Variants in ABCA5 observed in about 807,000 individuals in gnomAD.
ABCA5 encodes the protein cholesterol transporter ABCA5.
Under a neutral mutation model 206.0 loss-of-function variants are expected in ABCA5, and 163 were observed. That is an observed-to-expected ratio of 0.79 (90% CI 0.70 to 0.90). The LOEUF (loss-of-function observed/expected upper bound fraction) is 0.90. ABCA5 is among the 40% of genes least tolerant of loss of function. The pLI is 0.00. For missense variants in ABCA5, 1,859 were observed against 1,912.9 expected, an observed-to-expected ratio of 0.97 and a Z score of 0.53; for synonymous variants, 609 against 613.8, an observed-to-expected ratio of 0.99 and a Z score of 0.11.
chr17:69,318,023 T>C (rs917949716), intron 1 of ABCA5, among the ~76,000 whole-genome samples: 2 of 152,148 alleles, frequency 1.3e-5, no homozygotes, highest in Non-Finnish European at 2.9e-5. Context: ...TAAACCTATC[T>C]AGTGAGGCCA....
intron 34 of ABCA5, 114 bp downstream of exon 34, chr17:69,253,459 G>A (rs888749823): frequency 2.0e-5 from 12 of 604,874 alleles, no homozygotes; most frequent in East Asian, 1.5e-4. Context: ...CTAGTGTATC[G>A]TTTGAATAGG....
At position 69,264,774 on chromosome 17, in the gene ABCA5, A is replaced by G; in HGVS notation, c.3276T>C (p.His1092=). The change falls in exon 24 of 39, where the codon CAT becomes CAC. Residue 1092 remains histidine, a synonymous_variant. Transcript: ENST00000392676. Reference sequence around the variant, plus strand: ...TTACAGTATAAAAATATAATCCATAATGAAATGCCAATAAGCTTCCTAGCA... The same window carrying G: ...TTACAGTATAAAAATATAATCCATAGTGAAATGCCAATAAGCTTCCTAGCA... ...ILMLGSLLAF[H]YGLYFYTVKF... The G allele has an allele frequency of 1.3e-6, 2 of 1,589,842 alleles. No homozygotes were observed. The highest frequency in any genetic ancestry group is 8.5e-7 in the Non-Finnish European group (1 of 1,169,640).
intron 2 of ABCA5, 24 bp from the exon 3 acceptor site, chr17:69,313,320 T>A: frequency 8.7e-7 from 1 of 1,143,014 alleles, no homozygotes; most frequent in Non-Finnish European, 1.2e-6. Context: ...AACAAAGTAA[T>A]TACAAAGTAT....
In ABCA5 at chr17:69,273,580, C is replaced by T. The variant is rs750580511; in HGVS notation, c.2764+379G>A. On this transcript the variant is annotated intron_variant, in intron 20 of 38. Transcript: ENST00000392676. ...AAGCGATTCTCCTGCCTCAGCCTCC[C>T]GAGTACCTGAGACTACAGGCGCGTG... 7.3e-5 allele frequency among the ~76,000 whole-genome samples: 11 copies of T among 151,498 alleles called. 1 individual carries two copies. The highest frequency in any genetic ancestry group is 2.6e-4 in the Admixed American group (4 of 15,168).
chr17:69,303,002 T>G (rs530999507), intron 7 of ABCA5, 96 bp from the exon 8 acceptor site: 1 of 586,496 alleles, frequency 1.7e-6, no homozygotes, highest in Non-Finnish European at 2.7e-6. Flanking sequence ...GCTATTTTCA[T>G]GAAAAATGCA....
At chr17:69,284,788 T>C (rs1256268776) in intron 17 of ABCA5, among the ~76,000 whole-genome samples, 1 of 152,188 alleles carries the variant, frequency 6.6e-6, no homozygotes, top group Non-Finnish European at 1.5e-5. Flanking sequence ...TGTATAATCA[T>C]GAGAAGCTGA....
In ABCA5 at chr17:69,250,471, C is replaced by T. The variant is rs759386463; in HGVS notation, c.4685+1G>A. 3.7e-6 allele frequency: 6 copies of T among 1,603,314 alleles called. No individual in the cohort carries two copies. On this transcript the variant is annotated splice_donor_variant, in intron 36 of 38. Coordinates refer to ENST00000392676, the MANE Select transcript of ABCA5 (RefSeq NM_172232.4). LOFTEE classifies it high-confidence loss of function. Reference sequence around the variant, plus strand: ...TATAACCACATTCTTTAAAATTTTACCTTTCCTGACGGCTTGCATTTGGGA... The same window carrying T: ...TATAACCACATTCTTTAAAATTTTATCTTTCCTGACGGCTTGCATTTGGGA...
At position 69,256,264 on chromosome 17, in the gene ABCA5, T is replaced by C. The variant is rs776418291; in HGVS notation, c.3751A>G (p.Lys1251Glu). 6 of 1,600,884 alleles carry C rather than the reference T, an allele frequency of 3.7e-6. No individual in the cohort carries two copies. In the Admixed American group the frequency reaches 8.5e-5, roughly 23 times the overall value. Residue 1251 changes from lysine to glutamate, a missense_variant, in exon 29 of 39, where the codon AAA (lysine) becomes GAA (glutamate). Transcript: ENST00000392676. Reference protein sequence around the residue: ...PFFRNLSTKSKNRKLPEPPDN... With the variant: ...PFFRNLSTKSENRKLPEPPDN... ...GGTGGTTCTGGAAGCTTCCTATTTTTAGACTTCGTTGAAAGGTTTCTACAT... is the reference window on the plus strand; with the variant it reads ...GGTGGTTCTGGAAGCTTCCTATTTTCAGACTTCGTTGAAAGGTTTCTACAT...
chr17:69,261,076 C>T, intron 26 of ABCA5, 49 bp downstream of exon 26: 2 of 1,440,862 alleles, frequency 1.4e-6, no homozygotes, highest in Non-Finnish European at 1.9e-6. Flanking sequence ...CAAATTAGAC[C>T]ATATTTATTT....
chr17:69,306,949 C>T lies in ABCA5; in HGVS notation c.564G>A (p.Lys188=), dbSNP rs1178548197. ...ASIDAAIIQL[K]TNVSLWKELE... ...GCTCCTTCCAAAGAGAAACATTGGT[C>T]TTCAACTATAATTAGAAAATGTAAA... The change falls in exon 6 of 39, where the codon AAG becomes AAA. Residue 188 remains lysine, a synonymous_variant. Coordinates refer to ENST00000392676, the MANE Select transcript of ABCA5 (RefSeq NM_172232.4). The T allele has an allele frequency of 6.5e-7, 1 of 1,529,874 alleles. No individual in the cohort carries two copies. Among genetic ancestry groups the T allele is most frequent in the African/African-American group, 1.4e-5 (1 of 70,796 alleles). The allele number at this position is 1,529,874 out of a possible 1,614,324, so 94.8% of individuals were successfully genotyped here.
At chr17:69,314,549 A>T in intron 1 of ABCA5, 119 bp from the exon 2 acceptor site, 2 of 607,116 alleles carry the variant, frequency 3.3e-6, no homozygotes, top group Admixed American at 3.0e-5. Flanking sequence ...AGCATACTCC[A>T]AGCTGTCTCT....
At chr17:69,291,941 C>T (rs770776083) in intron 11 of ABCA5, among the ~76,000 whole-genome samples, 1 of 151,732 alleles carries the variant, frequency 6.6e-6, no homozygotes, top group South Asian at 2.1e-4. Flanking sequence ...GGCGAAATCC[C>T]GTCTCTACAA....
At position 69,313,244 on chromosome 17, in the gene ABCA5, A is replaced by C; in HGVS notation, c.155T>G (p.Met52Arg). Residue 52 changes from methionine (M) to arginine (R), a missense_variant, in exon 3 of 39, where the codon ATG becomes AGG. Transcript: ENST00000392676. ...TTCTTCATATTTCTTATTTGGATGC[A>C]TCATGCTAATTAATATTAACCAAAA... ...FLFWLILISM[M>R]HPNKKYEEVP... 6.6e-7 allele frequency: 1 copy of C among 1,510,054 alleles called. No homozygotes were observed. Among genetic ancestry groups the C allele is most frequent in the South Asian group, 1.1e-5 (1 of 87,334 alleles). 93.5% of individuals were successfully genotyped at this position (1,510,054 alleles called of 1,614,324 possible).
intron 1 of ABCA5, chr17:69,315,220 G>C (rs759161699): frequency 2.6e-5 from 4 of 152,178 alleles, no homozygotes; most frequent in Non-Finnish European, 5.9e-5. Context: ...TGTGACAAAG[G>C]CTTGAGAAAC....
chr17:69,262,063 C>T (rs2075154662), intron 24 of ABCA5, among the ~76,000 whole-genome samples: 1 of 151,998 alleles, frequency 6.6e-6, no homozygotes, highest in Admixed American at 6.6e-5. Flanking sequence ...TCATTATGAT[C>T]TCTGACAAAA....
intron 37 of ABCA5, chr17:69,248,585 T>C: frequency 2.4e-5 from 6 of 249,656 alleles, no homozygotes; most frequent in Non-Finnish European, 3.9e-5. Flanking sequence ...CTGGTGATTC[T>C]TTTCATGTCT....
chr17:69,298,318 G>GA lies in ABCA5; in HGVS notation c.1268-960_1268-959insT, dbSNP rs1567774746. Among the ~76,000 whole-genome samples, 544 of 143,828 alleles carry GA rather than the reference G, an allele frequency of 3.8e-3. 27 individuals carry two copies. The highest frequency in any genetic ancestry group is 0.013 in the African/African-American group (503 of 38,596). The allele number at this position is 143,828 out of a possible 152,430, so 94.4% of individuals were successfully genotyped here. On this transcript the variant is annotated intron_variant, in intron 9 of 38. Coordinates refer to ENST00000392676, the MANE Select transcript of ABCA5 (RefSeq NM_172232.4). ...GGAAAGAGAAAGAAAGAGAGAGAGA[G>GA]GAAGGAAGGAAGGAAGGAAGGAAGG... is the stretch of plus-strand genomic sequence containing the variant.
Position 69,255,615 on chromosome 17 carries a change from C to T in ABCA5, c.3996G>A (p.Leu1332=), listed in dbSNP as rs751273723. 7 of 1,580,308 alleles carry T rather than the reference C, an allele frequency of 4.4e-6. No homozygotes were observed. Among genetic ancestry groups the T allele is most frequent in the Non-Finnish European group, 6.0e-6 (7 of 1,170,890 alleles). The change falls in exon 31 of 39, where the codon TTG becomes TTA. Residue 1332 remains leucine (L), a synonymous_variant. Transcript: ENST00000392676. The part of the protein sequence containing the change: ...CVKKGEILGL[L]GPNGAGKSTI... ...TGCTTTTGCCAGCACCATTTGGACC[C>T]AATAGTCCTAAGATCTCTCCTAAAG...
chr17:69,287,877 G>C, intron 14 of ABCA5, 126 bp from the exon 15 acceptor site: 3 of 893,166 alleles, frequency 3.4e-6, no homozygotes, highest in Non-Finnish European at 4.6e-6. Context: ...TATTAGATCA[G>C]ATTTTTTCAT....
Sources: gnomAD v4.1 joint callset for allele counts (sites outside exome capture counted in the v4.1 genomes callset) on GRCh38, gnomAD v4.1.1 for gene constraint, MANE v1.5 for transcripts, NCBI Gene and HGNC (gene_info 2026-07-23, HGNC 2026-07-21) for gene names.